The following RSPH4A variants were observed in gnomAD, a reference collection of about 807,000 sequenced individuals.
The protein encoded by RSPH4A is radial spoke head component 4A.
Under a neutral mutation model 71.0 loss-of-function variants are expected in RSPH4A, and 47 were observed. The ratio of observed to expected loss-of-function variants is 0.66; its 90% CI spans 0.52 to 0.84. The LOEUF is 0.84. Among genes scored for constraint, RSPH4A ranks in the 40% least tolerant of loss-of-function variants. The probability of loss-of-function intolerance (pLI) is 0.00; values close to 1 mark genes in which losing one functional copy is unlikely to be tolerated. For synonymous variants in RSPH4A, 282 were observed against 302.3 expected, an observed-to-expected ratio of 0.93 and a Z score of 0.70; for missense variants, 793 against 855.2, an observed-to-expected ratio of 0.93 and a Z score of 0.91.
At chr6:116,627,024 TA>T (rs1775706536) in intron 2 of RSPH4A, among the ~76,000 whole-genome samples, 1 of 152,194 alleles carries the variant, frequency 6.6e-6, no homozygotes, top group Admixed American at 6.5e-5. Flanking sequence ...TTATTTTTTA[TA>T]AAACAGGAAT....
chr6:116,626,999 T>C (rs1430592196), intron 2 of RSPH4A, among the ~76,000 whole-genome samples: 1 of 152,176 alleles, frequency 6.6e-6, no homozygotes, highest in Non-Finnish European at 1.5e-5. Context: ...TCTTTTAGGA[T>C]AGTAAGGGAG....
Position 116,628,011 on chromosome 6 carries a change from A to G in RSPH4A, c.1304A>G (p.Asn435Ser), listed in dbSNP as rs1481566765. Residue 435 changes from asparagine (N) to serine (S), a missense_variant, in exon 3 of 6, where the codon AAT becomes AGT. Transcript: ENST00000229554. ...AACAAATATGTCTATTTTGTTTGCA[A>G]TGAACCAGGAAGACCATGGGTGAAG... is the stretch of plus-strand genomic sequence containing the variant. ...GANKYVYFVC[N>S]EPGRPWVKLP... 1.2e-6 allele frequency: 2 copies of G among 1,614,236 alleles called. No individual in the cohort carries two copies. The highest frequency in any genetic ancestry group is 1.7e-6 in the Non-Finnish European group (2 of 1,180,032).
At position 116,622,806 on chromosome 6, in the gene RSPH4A, A is replaced by T. The variant is rs990305442; in HGVS notation, c.725A>T (p.Asn242Ile). Residue 242 changes from asparagine (N) to isoleucine (I), a missense_variant, in exon 2 of 6, where the codon AAT (asparagine) becomes ATT (isoleucine). Transcript: ENST00000229554. ...HLSNMLTKIL[N>I]ERPENAVDIF... ...TCTAATATGTTGACCAAGATATTAA[A>T]TGAGCGTCCTGAAAATGCTGTTGAC... The T allele has an allele frequency of 4.3e-6, 7 of 1,612,028 alleles. No individual in the cohort carries two copies. Among genetic ancestry groups the T allele is most frequent in the Middle Eastern group, 1.7e-4 (1 of 6,038 alleles).
chr6:116,620,222 G>T (rs1318558146), intron 1 of RSPH4A, among the ~76,000 whole-genome samples: 1 of 152,112 alleles, frequency 6.6e-6, no homozygotes, highest in African/African-American at 2.4e-5. Context: ...TTAAAACAAT[G>T]TGAAAACATA....
intron 1 of RSPH4A, among the ~76,000 whole-genome samples, chr6:116,619,971 G>A (rs1274931930): frequency 2.6e-5 from 4 of 152,038 alleles, no homozygotes; most frequent in African/African-American, 7.3e-5. Flanking sequence ...TGCCTGCCTC[G>A]GCCTCCCAAA....
At chr6:116,620,688 A>T (rs939804502) in intron 1 of RSPH4A, among the ~76,000 whole-genome samples, 1 of 152,178 alleles carries the variant, frequency 6.6e-6, no homozygotes, top group African/African-American at 2.4e-5. Flanking sequence ...AATAAAGCAC[A>T]TATATATATT....
At chr6:116,631,679 C>G (rs926061198) in intron 5 of RSPH4A, among the ~76,000 whole-genome samples, 1 of 152,154 alleles carries the variant, frequency 6.6e-6, no homozygotes, top group African/African-American at 2.4e-5. Context: ...GCATGACGAG[C>G]CAAAGGGGCC....
intron 1 of RSPH4A, 40 bp downstream of exon 1, chr6:116,617,349 C>T: frequency 1.4e-6 from 2 of 1,457,044 alleles, no homozygotes; most frequent in East Asian, 4.5e-5. Context: ...TTTGGCAAAG[C>T]AAGAGGGTGT....
chr6:116,624,245 G>A (rs1775658454), intron 2 of RSPH4A, among the ~76,000 whole-genome samples: 2 of 152,236 alleles, frequency 1.3e-5, no homozygotes, highest in Non-Finnish European at 2.9e-5. Context: ...GGTGATAGGT[G>A]TCAAGGAGTT....
chr6:116,630,667 GTTTTTTTTT>G lies in RSPH4A; in HGVS notation c.1916+130_1916+138del, dbSNP rs11459167. 6.4e-4 allele frequency: 161 copies of G among 251,584 alleles called. 1 individual carries two copies. The African/African-American group carries it at 7.3e-3, about 11-fold the overall frequency. The allele number at this position is 251,584 out of a possible 1,614,324, so 15.6% of individuals were successfully genotyped here. On this transcript the variant is annotated intron_variant, in intron 5 of 5. Coordinates refer to ENST00000229554, the MANE Select transcript of RSPH4A (RefSeq NM_001010892.3). ...TTGTTTCTTTGGTTTTTTTTTTCGT[GTTTTTTTTT>G]TTTTTTTTTTTTTTGAGACAGAGTC...
In RSPH4A at chr6:116,617,319, A is replaced by G; in HGVS notation, c.686+10A>G. ...ATTCGGGCTTTAATCTGTAAGTCTC[A>G]GAGGGAAAAAAGATAAATGTTTGGC... On this transcript the variant is annotated intron_variant, in intron 1 of 5. Transcript: ENST00000229554. The G allele has an allele frequency of 6.2e-7, 1 of 1,601,062 alleles. No homozygotes were observed. The highest frequency in any genetic ancestry group is 8.5e-7 in the Non-Finnish European group (1 of 1,171,902).
chr6:116,621,933 T>G (rs1775615917), intron 1 of RSPH4A, among the ~76,000 whole-genome samples: 2 of 152,200 alleles, frequency 1.3e-5, no homozygotes, highest in Admixed American at 6.5e-5. Context: ...AAATTCACTT[T>G]GTAATTCTGG....
At position 116,630,870 on chromosome 6, in the gene RSPH4A, T is replaced by TC. The variant is rs1554249740; in HGVS notation, c.1916+318_1916+319insC. Among the ~76,000 whole-genome samples the TC allele has an allele frequency of 9.7e-3, 1,397 of 144,734 alleles. 16 individuals carry two copies. Among genetic ancestry groups the TC allele is most frequent in the Non-Finnish European group, 0.017 (1,117 of 65,606 alleles). The allele number at this position is 144,734 out of a possible 152,430, so 95.0% of individuals were successfully genotyped here. The stretch of plus-strand genomic sequence containing the variant: ...GTATTTTTTTTTTTTTTTTTTTTTT[T>TC]AGTAGAGACAAGGTTTCACCATGTT... On this transcript the variant is annotated intron_variant, in intron 5 of 5. Transcript: ENST00000229554.
chr6:116,616,812 G>T lies in RSPH4A; in HGVS notation c.189G>T (p.Pro63=). The T allele has an allele frequency of 6.2e-7, 1 of 1,614,150 alleles. No homozygotes were observed. The highest frequency in any genetic ancestry group is 8.5e-7 in the Non-Finnish European group (1 of 1,180,020). The change falls in exon 1 of 6, where the codon CCG becomes CCT. Residue 63 remains proline, a synonymous_variant. Transcript: ENST00000229554. ...CCCGAAGCAGCCGTCCTTGGAGCCCGCAGTCTAGAGCCAAGACGCCTCTGG... is the reference window on the plus strand; with the variant it reads ...CCCGAAGCAGCCGTCCTTGGAGCCCTCAGTCTAGAGCCAAGACGCCTCTGG... ...RQSRSSRPWS[P]QSRAKTPLGG...
Position 116,628,250 on chromosome 6 carries a change from G to A in RSPH4A, c.1543G>A (p.Glu515Lys). 6.2e-7 allele frequency: 1 copy of A among 1,611,908 alleles called. No individual in the cohort carries two copies. The highest frequency in any genetic ancestry group is 8.5e-7 in the Non-Finnish European group (1 of 1,178,450). The part of the protein sequence containing the change: ...FGEEEGEEEE[E>K]AEGGRNSFEE... ...TGAAGAGGAAGGAGAGGAGGAGGAA[G>A]AGGCAGAAGGTGGGCGAAATAGCTT... is the stretch of plus-strand genomic sequence containing the variant. Residue 515 changes from glutamate to lysine, a missense_variant, in exon 3 of 6, where the codon GAG becomes AAG. Transcript: ENST00000229554.
chr6:116,625,292 G>A (rs1775676768), intron 2 of RSPH4A, among the ~76,000 whole-genome samples: 1 of 152,050 alleles, frequency 6.6e-6, no homozygotes, highest in South Asian at 2.1e-4. Context: ...GAGTTCACCA[G>A]GTGAAGACTC....
At chr6:116,620,396 A>T (rs1775583771) in intron 1 of RSPH4A, among the ~76,000 whole-genome samples, 1 of 152,192 alleles carries the variant, frequency 6.6e-6, no homozygotes, top group Admixed American at 6.5e-5. Flanking sequence ...GTTTAGTAAA[A>T]GATTACTTTA....
intron 5 of RSPH4A, 125 bp downstream of exon 5, chr6:116,630,677 T>TG (rs1365084321): frequency 1.8e-4 from 94 of 536,246 alleles, no homozygotes; most frequent in East Asian, 1.4e-3. Flanking sequence ...GTTTTTTTTT[T>TG]TTTTTTTTTT....
rs1775735210 is a variant in RSPH4A, at chr6:116,628,272, G to A, written c.1565G>A (p.Ser522Asn). 6.2e-7 allele frequency: 1 copy of A among 1,611,518 alleles called. No homozygotes were observed. Among genetic ancestry groups the A allele is most frequent in the African/African-American group, 1.3e-5 (1 of 74,890 alleles). The change falls in exon 3 of 6, where the codon AGC becomes AAC. Residue 522 changes from serine (S) to asparagine (N), a missense_variant. Ser to Asn is a conservative substitution (Grantham distance 46, BLOSUM62 1). Coordinates refer to ENST00000229554, the MANE Select transcript of RSPH4A (RefSeq NM_001010892.3). ...GAAGAGGCAGAAGGTGGGCGAAATA[G>A]CTTTGAGGAAAACCCTGATTTTGAA... ...EEEEAEGGRNSFEENPDFEGI... is the reference protein window; with the variant it reads ...EEEEAEGGRNNFEENPDFEGI...
Sources: allele counts gnomAD v4.1 joint callset (sites outside exome capture counted in the v4.1 genomes callset), GRCh38; gene constraint gnomAD v4.1.1; transcripts MANE v1.5; gene names NCBI Gene and HGNC (gene_info 2026-07-23, HGNC 2026-07-21).